The following CDH18 variants were observed in gnomAD, a reference collection of about 807,000 sequenced individuals.
CDH18 encodes the protein cadherin-18.
CDH18 carries 31 observed loss-of-function variants against 67.9 expected under a neutral mutation model. The ratio of observed to expected loss-of-function variants is 0.46; its 90% CI spans 0.34 to 0.62. The LOEUF is 0.62. Ranked by LOEUF, CDH18 falls within the 20% of genes least tolerant of loss-of-function variation. CDH18 has a pLI of 0.01. For missense variants in CDH18, 890 were observed against 975.5 expected, an observed-to-expected ratio of 0.91 and a Z score of 1.17; for synonymous variants, 362 against 347.2, an observed-to-expected ratio of 1.04 and a Z score of -0.48.
At position 20,172,709 on chromosome 5, in the gene CDH18, C is replaced by T. The variant is rs1397975649; in HGVS notation, c.-518+82735G>A. Among the ~76,000 whole-genome samples, 3 of 152,006 alleles carry T rather than the reference C, an allele frequency of 2.0e-5. No individual in the cohort carries two copies. In the East Asian group the frequency reaches 5.8e-4, roughly 30 times the overall value. ...TTTTTCTTAAAGGAATATCCATTGT[C>T]GGCAGGCATGGTGGCTCACACTTGT... On this transcript the variant is annotated intron_variant, in intron 2 of 14. Coordinates refer to the CDH18 transcript ENST00000507958.
intron 6 of CDH18, among the ~76,000 whole-genome samples, chr5:19,598,557 C>T (rs574201843): frequency 6.6e-6 from 1 of 152,124 alleles, no homozygotes; most frequent in African/African-American, 2.4e-5. Flanking sequence ...TCATGTAACA[C>T]TCCCCATTTG....
intron 1 of CDH18, among the ~76,000 whole-genome samples, chr5:20,309,994 A>G (rs1736847281): frequency 2.6e-5 from 4 of 152,136 alleles, no homozygotes; most frequent in Admixed American, 2.6e-4. Context: ...AATCTCACTA[A>G]TAGTTTTTTT....
chr5:19,775,541 G>GT (rs1197128579), intron 3 of CDH18, among the ~76,000 whole-genome samples: 2 of 151,358 alleles, frequency 1.3e-5, no homozygotes, highest in African/African-American at 4.9e-5. Flanking sequence ...GAGAAAGACA[G>GT]TGGGGGGGAG....
intron 8 of CDH18, among the ~76,000 whole-genome samples, chr5:19,548,229 A>G (rs1222504972): frequency 6.6e-6 from 1 of 152,114 alleles, no homozygotes; most frequent in Non-Finnish European, 1.5e-5. Flanking sequence ...TACAAAATCA[A>G]GTAACGATTT....
In CDH18 at chr5:20,454,901, C is replaced by T. The variant is rs112629709; in HGVS notation, c.-580+120561G>A. ...ATTTTGTCTAGGAAAGGGGTTATGT[C>T]CTCCCTCCTGTTTGCCTGCTGAGGA... is the stretch of plus-strand genomic sequence containing the variant. On this transcript the variant is annotated intron_variant, in intron 1 of 14. Coordinates refer to the CDH18 transcript ENST00000507958. 6.2e-4 allele frequency among the ~76,000 whole-genome samples: 94 copies of T among 152,136 alleles called. 2 individuals are homozygous for T. The highest frequency in any genetic ancestry group is 1.9e-3 in the African/African-American group (80 of 41,524).
intron 9 of CDH18, among the ~76,000 whole-genome samples, chr5:19,537,694 T>TA (rs1033886807): frequency 2.0e-5 from 3 of 152,050 alleles, no homozygotes; most frequent in African/African-American, 7.2e-5. Context: ...CTCTTATCCC[T>TA]AAAAAATCCT....
At chr5:19,746,835 A>G (rs1188666897) in intron 4 of CDH18, 107 bp downstream of exon 4, 3 of 861,868 alleles carry the variant, frequency 3.5e-6, no homozygotes, top group Non-Finnish European at 5.3e-6. Flanking sequence ...CTTCATATTT[A>G]TATCCCCTCC....
intron 2 of CDH18, among the ~76,000 whole-genome samples, chr5:19,935,586 C>T (rs1038057935): frequency 6.6e-6 from 1 of 151,242 alleles, no homozygotes; most frequent in African/African-American, 2.4e-5. Flanking sequence ...ACTATACCAT[C>T]TGGGTTTGTT....
At chr5:20,338,749 A>C (rs950888181) in intron 1 of CDH18, among the ~76,000 whole-genome samples, 1 of 152,138 alleles carries the variant, frequency 6.6e-6, no homozygotes. Context: ...CTGCAAAATG[A>C]GTGAAGAATT....
chr5:19,531,601 G>A (rs1227652487), intron 9 of CDH18, among the ~76,000 whole-genome samples: 11 of 129,152 alleles, frequency 8.5e-5, no homozygotes, highest in Non-Finnish European at 1.8e-4. Flanking sequence ...AAGTTAAAAT[G>A]TGTGTTCTCA....
At chr5:20,138,149 G>C (rs1209080637) in intron 2 of CDH18, among the ~76,000 whole-genome samples, 3 of 151,988 alleles carry the variant, frequency 2.0e-5, no homozygotes, top group Non-Finnish European at 4.4e-5. Flanking sequence ...GGGATGCAAG[G>C]CTAGTTCAAC....
intron 2 of CDH18, among the ~76,000 whole-genome samples, chr5:19,916,387 C>T (rs1290018647): frequency 6.6e-6 from 1 of 152,134 alleles, no homozygotes; most frequent in Admixed American, 6.6e-5. Flanking sequence ...CATCCCAGTT[C>T]TTGCTCAATC....
At chr5:20,218,135 A>G (rs1740925283) in intron 2 of CDH18, among the ~76,000 whole-genome samples, 1 of 152,042 alleles carries the variant, frequency 6.6e-6, no homozygotes, top group Non-Finnish European at 1.5e-5. Flanking sequence ...ACAAAGAAAC[A>G]TTGGACATAA....
chr5:20,101,253 C>T (rs754507894), intron 2 of CDH18, among the ~76,000 whole-genome samples: 39 of 152,140 alleles, frequency 2.6e-4, no homozygotes, highest in Admixed American at 3.3e-4. Context: ...TGAGCCACCA[C>T]GCCTGGCCAA....
intron 6 of CDH18, among the ~76,000 whole-genome samples, chr5:19,602,690 G>C (rs527867860): frequency 6.6e-6 from 1 of 152,102 alleles, no homozygotes; most frequent in Non-Finnish European, 1.5e-5. Flanking sequence ...ATGGCAGGGC[G>C]TGGTGGCTCA....
intron 5 of CDH18, among the ~76,000 whole-genome samples, chr5:19,679,339 C>A (rs898388910): frequency 6.6e-6 from 1 of 151,846 alleles, no homozygotes; most frequent in African/African-American, 2.4e-5. Flanking sequence ...AAATCCACAG[C>A]CAACATCATA....
At chr5:19,800,524 A>G (rs1391678607) in intron 3 of CDH18, among the ~76,000 whole-genome samples, 2 of 152,144 alleles carry the variant, frequency 1.3e-5, no homozygotes, top group Non-Finnish European at 2.9e-5. Flanking sequence ...AAAAAATGGA[A>G]AGTAATTGTA....
intron 2 of CDH18, among the ~76,000 whole-genome samples, chr5:20,001,369 G>A (rs1486056170): frequency 2.0e-5 from 3 of 151,976 alleles, no homozygotes; most frequent in Non-Finnish European, 4.4e-5. Context: ...GGGCATAAGA[G>A]GAAGAGTAGG....
At chr5:19,805,769 T>G in intron 3 of CDH18, among the ~76,000 whole-genome samples, 1 of 152,254 alleles carries the variant, frequency 6.6e-6, no homozygotes, top group East Asian at 1.9e-4. Flanking sequence ...TAAAAAATAT[T>G]TAATCAATCT....
Sources: gnomAD v4.1 joint callset for allele counts (sites outside exome capture counted in the v4.1 genomes callset) on GRCh38, gnomAD v4.1.1 for gene constraint, MANE v1.5 for transcripts, NCBI Gene and HGNC (gene_info 2026-07-23, HGNC 2026-07-21) for gene names.